Variants in DSP observed in about 807,000 individuals in gnomAD.
The protein encoded by DSP is desmoplakin, also known as 250/210 kDa paraneoplastic pemphigus antigen.
DSP carries 114 observed loss-of-function variants against 290.6 expected under a neutral mutation model. The observed-to-expected ratio is 0.39, with a 90% CI of 0.34 to 0.46. The LOEUF (loss-of-function observed/expected upper bound fraction) is 0.46, where lower values mean the gene tolerates loss of function less well. Ranked by LOEUF, DSP falls within the 20% of genes least tolerant of loss-of-function variation. The pLI is 0.99. For synonymous variants in DSP, 1,311 were observed against 1,316.4 expected (o/e 1.00, Z 0.09); for missense variants, 3,230 against 3,495.8 (o/e 0.92, Z 1.92).
intron 10 of DSP, 77 bp from the exon 11 acceptor site, chr6:7,568,360 C>T: frequency 6.6e-7 from 1 of 1,513,282 alleles, no homozygotes; most frequent in Non-Finnish European, 9.2e-7. Flanking sequence ...CATGTAGCTA[C>T]ATTAATGCAG....
At chr6:7,554,119 A>ACACACACACACACACACACACACC (rs1183696082) in intron 1 of DSP, among the ~76,000 whole-genome samples, 1 of 151,410 alleles carries the variant, frequency 6.6e-6, no homozygotes, top group Non-Finnish European at 1.5e-5. Context: ...ACACACACAC[A>ACACACACACACACACACACACACC]CACACACCCA....
At chr6:7,566,346 TG>T (rs1394657446) in intron 7 of DSP, 30 bp from the exon 8 acceptor site, 4 of 1,574,378 alleles carry the variant, frequency 2.5e-6, no homozygotes, top group Non-Finnish European at 3.5e-6. Context: ...GATGACTTGC[TG>T]CAAAGGATTT....
chr6:7,557,445 C>T (rs1268011249), intron 2 of DSP, among the ~76,000 whole-genome samples: 9 of 152,030 alleles, frequency 5.9e-5, no homozygotes, highest in African/African-American at 9.7e-5. Flanking sequence ...TTTGGGAGGC[C>T]GAGGCGGGTG....
At chr6:7,567,945 A>T in intron 10 of DSP, 39 bp downstream of exon 10, 1 of 1,609,924 alleles carries the variant, frequency 6.2e-7, no homozygotes, top group Non-Finnish European at 8.5e-7. Context: ...GCTGTGCCTG[A>T]TCAGGGAGAT....
intron 2 of DSP, 60 bp from the exon 3 acceptor site, chr6:7,558,056 C>T (rs1049431774): frequency 6.3e-7 from 1 of 1,595,616 alleles, no homozygotes; most frequent in Non-Finnish European, 8.6e-7. Context: ...TCCATTAATG[C>T]CCATGAAGGT....
intron 1 of DSP, among the ~76,000 whole-genome samples, chr6:7,546,951 C>A (rs543503827): frequency 6.6e-6 from 1 of 152,098 alleles, no homozygotes; most frequent in African/African-American, 2.4e-5. Context: ...ACTGCTGATG[C>A]CCCTGATGCC....
chr6:7,575,558 G>A (rs1261046628), intron 18 of DSP, 70 bp downstream of exon 18: 1 of 1,583,476 alleles, frequency 6.3e-7, no homozygotes, highest in Non-Finnish European at 8.7e-7. Context: ...AATGTCACTT[G>A]AAGGGAACCA....
At chr6:7,561,112 A>C (rs2757629) in intron 4 of DSP, among the ~76,000 whole-genome samples, 70,890 of 151,830 alleles carry the variant, frequency 0.47, 18,499 homozygotes, top group African/African-American at 0.68. Context: ...CCACCATGGC[A>C]AGCTGATTTT....
At chr6:7,566,175 A>G (rs1758857815) in intron 7 of DSP, among the ~76,000 whole-genome samples, 1 of 152,110 alleles carries the variant, frequency 6.6e-6, no homozygotes, top group Admixed American at 6.5e-5. Flanking sequence ...CATCTTGAGT[A>G]AGCCTCTGCC....
At chr6:7,547,324 G>GA (rs1284388945) in intron 1 of DSP, among the ~76,000 whole-genome samples, 1 of 152,160 alleles carries the variant, frequency 6.6e-6, no homozygotes, top group Admixed American at 6.5e-5. Context: ...CCTTGGGCTG[G>GA]AAGGGCTCAT....
At position 7,583,038 on chromosome 6, in the gene DSP, TCA is replaced by T. The variant is rs1759496532; in HGVS notation, c.5779_5780del (p.Gln1927ValfsTer13). 1 of 1,613,724 alleles carries T rather than the reference TCA, an allele frequency of 6.2e-7. No homozygotes were observed. Among genetic ancestry groups the T allele is most frequent in the Non-Finnish European group, 8.5e-7 (1 of 1,179,956 alleles). ...KLEDSTRETQSQLETERSRYQ... is the reference protein window; with the variant it reads ...KLEDSTRETQXQLETERSRYQ... ...GGAGGATTCTACCAGGGAGACACAG[TCA>T]CAGTTAGAAACAGAACGCTCCCGAT... On this transcript the variant is annotated frameshift_variant, in exon 24 of 24. Transcript: ENST00000379802. LOFTEE classifies it high-confidence loss of function. This position sits in a 1 kb window ranked among gnomAD's most constrained non-coding sequence, Gnocchi z 4.0.
rs1338136683 is a variant in DSP, at chr6:7,577,868, T to C, written c.2967T>C (p.Ser989=). 6.2e-7 allele frequency: 1 copy of C among 1,614,050 alleles called. No homozygotes were observed. Residue 989 remains serine, a synonymous_variant, in exon 21 of 24, where the codon TCT becomes TCC. Transcript: ENST00000379802. ...PIKRTMIQSP[S]GVILQEAADV... is the part of the protein sequence containing the mutation. ...AGAGGACCATGATTCAGTCCCCTTC[T>C]GGGGTGATTCTGCAAGAGGTATATA...
At chr6:7,564,972 C>T (rs1758811608) in intron 6 of DSP, among the ~76,000 whole-genome samples, 1 of 152,050 alleles carries the variant, frequency 6.6e-6, no homozygotes, top group South Asian at 2.1e-4. Context: ...GGTGAAACCC[C>T]GTCTCTACTA....
Position 7,541,782 on chromosome 6 carries a change from C to A in DSP, c.-134C>A. 1 of 1,177,188 alleles carries A rather than the reference C, an allele frequency of 8.5e-7. No homozygotes were observed. The highest frequency in any genetic ancestry group is 1.2e-6 in the Non-Finnish European group (1 of 865,548). The allele number at this position is 1,177,188 out of a possible 1,614,324, so 72.9% of individuals were successfully genotyped here. A position where few individuals can be genotyped will look rare whatever the true frequency, so the allele number is the denominator to read the frequency against. ...TCGGGAGGGCCCAGGTAGCGAGCAG[C>A]GACCTCGCGAGCCTTCCGCACTCCC... is the stretch of plus-strand genomic sequence containing the variant. On this transcript the variant is annotated 5_prime_UTR_variant, in exon 1 of 24. Coordinates refer to ENST00000379802, the MANE Select transcript of DSP (RefSeq NM_004415.4).
In DSP at chr6:7,562,208, A is replaced by T. The variant is rs1484577985; in HGVS notation, c.598-444A>T. Among the ~76,000 whole-genome samples the T allele has an allele frequency of 2.0e-5, 3 of 152,302 alleles. 1 individual carries two copies. In the East Asian group the frequency reaches 5.8e-4, roughly 29 times the overall value. On this transcript the variant is annotated intron_variant, in intron 4 of 23. Coordinates refer to ENST00000379802, the MANE Select transcript of DSP (RefSeq NM_004415.4). Reference sequence around the variant, plus strand: ...GAAATAAACAATGAAAGATGCTTTTAGGTTGACTATTTAGTTTGGGGAACA... The same window carrying T: ...GAAATAAACAATGAAAGATGCTTTTTGGTTGACTATTTAGTTTGGGGAACA...
At chr6:7,574,292 C>A in intron 16 of DSP, 40 bp downstream of exon 16, 2 of 1,599,414 alleles carry the variant, frequency 1.3e-6, no homozygotes, top group South Asian at 2.2e-5. Flanking sequence ...TTCCTTTTCT[C>A]AAGCTTCTTT....
intron 4 of DSP, among the ~76,000 whole-genome samples, chr6:7,560,523 T>C (rs190197961): frequency 2.0e-5 from 3 of 152,354 alleles, no homozygotes; most frequent in East Asian, 1.9e-4. Context: ...GGATTTTATA[T>C]GTAGTGCCAC....
chr6:7,543,073 A>G (rs919018142), intron 1 of DSP, among the ~76,000 whole-genome samples: 2 of 152,056 alleles, frequency 1.3e-5, no homozygotes, highest in Admixed American at 6.5e-5. Flanking sequence ...TGGGTGGGGA[A>G]GAGATCCTGT....
rs10658102 is a variant in DSP at position 7,554,082 on chromosome 6, AACAC to A, written c.171-1595_171-1592del. On this transcript the variant is annotated intron_variant, in intron 1 of 23. Transcript: ENST00000379802. Reference sequence around the variant, plus strand: ...TTAAACAGTGAAATTCTTTCTTTAAAACACACACACACACACACACACACACACA... The same window carrying A: ...TTAAACAGTGAAATTCTTTCTTTAAAACACACACACACACACACACACACA... Among the ~76,000 whole-genome samples, 569 of 115,928 alleles carry A rather than the reference AACAC, an allele frequency of 4.9e-3. 6 individuals are homozygous for A. Among genetic ancestry groups the A allele is most frequent in the South Asian group, 0.014 (44 of 3,256 alleles). The allele number at this position is 115,928 out of a possible 152,430, so 76.1% of individuals were successfully genotyped here.
Sources: gnomAD v4.1 joint callset for allele counts (sites outside exome capture counted in the v4.1 genomes callset) on GRCh38, gnomAD v4.1.1 for gene constraint, Gnocchi (gnomAD v3.1) non-coding constraint, MANE v1.5 for transcripts, NCBI Gene and HGNC (gene_info 2026-07-23, HGNC 2026-07-21) for gene names.